Variants in DCAF8L2 observed in about 807,000 individuals in gnomAD.
DCAF8L2 encodes the protein DDB1- and CUL4-associated factor 8-like protein 2.
For synonymous variants in DCAF8L2, 200 were observed against 190.9 expected (o/e 1.05, Z -0.39); for missense variants, 430 against 490.7 (o/e 0.88, Z 1.17).
At chrX:27,508,892 A>C in the DCAF8L2 span, among the ~76,000 whole-genome samples, 1 of 110,029 alleles carries the variant, frequency 9.1e-6, no homozygotes, top group East Asian at 2.8e-4. Flanking sequence ...TTGACAATGA[A>C]GTGTAGGTGC....
At chrX:27,622,918 C>T (rs1927845781) in intron 1 of DCAF8L2, among the ~76,000 whole-genome samples, 1 of 111,278 alleles carries the variant, frequency 9.0e-6, no homozygotes, top group South Asian at 3.7e-4. Context: ...TTGTGCATTT[C>T]CCCCATGTAT....
intron 2 of DCAF8L2, among the ~76,000 whole-genome samples, chrX:27,661,645 A>G (rs1929563078): frequency 8.9e-6 from 1 of 112,167 alleles, no homozygotes; most frequent in African/African-American, 3.2e-5. Context: ...GAATATTTAG[A>G]TACAGTAAAT....
At chrX:27,592,411 G>GTTTT (rs1214583694) in intron 1 of DCAF8L2, among the ~76,000 whole-genome samples, 3 of 51,644 alleles carry the variant, frequency 5.8e-5, no homozygotes, top group Non-Finnish European at 1.1e-4. Flanking sequence ...TTTTTTGTTT[G>GTTTT]TTTTTGTTTT....
At chrX:27,588,172 C>G (rs1925949509), upstream of DCAF8L2, among the ~76,000 whole-genome samples, 1 of 108,093 alleles carries the variant, frequency 9.3e-6, no homozygotes, top group African/African-American at 3.4e-5. Context: ...TCCCTCGGTC[C>G]CCAGTATCTA....
chrX:27,504,849 C>T, the DCAF8L2 span, among the ~76,000 whole-genome samples: 1 of 111,411 alleles, frequency 9.0e-6, no homozygotes, highest in African/African-American at 3.3e-5. Flanking sequence ...ATGATTCTAT[C>T]TCTTTACACC....
chrX:27,669,455 C>CATTT (rs1056110819), intron 2 of DCAF8L2, among the ~76,000 whole-genome samples: 12 of 103,186 alleles, frequency 1.2e-4, no homozygotes, highest in Non-Finnish European at 1.9e-4. Context: ...CTTATTTATT[C>CATTT]ATTTATTTAT....
chrX:27,486,878 A>G, the DCAF8L2 span, among the ~76,000 whole-genome samples: 1 of 111,777 alleles, frequency 8.9e-6, no homozygotes. Context: ...GAATTATACT[A>G]AATTTTATAA....
At chrX:27,474,499 G>T in the DCAF8L2 span, among the ~76,000 whole-genome samples, 1 of 111,307 alleles carries the variant, frequency 9.0e-6, no homozygotes, top group African/African-American at 3.3e-5. Flanking sequence ...CTAGTAATGT[G>T]ACATGAACAA....
chrX:27,514,691 AAAAACAAAAAAAAAAAAC>A, the DCAF8L2 span, among the ~76,000 whole-genome samples: 10 of 76,077 alleles, frequency 1.3e-4, no homozygotes, highest in African/African-American at 5.9e-4. Context: ...AAAAAAAAAA[AAAAACAAAAAAAAAAAAC>A]AGAGTGAAAT....
intron 2 of DCAF8L2, among the ~76,000 whole-genome samples, chrX:27,648,523 TTATA>T (rs57191431): frequency 4.1e-4 from 42 of 102,020 alleles, no homozygotes; most frequent in African/African-American, 1.1e-3. Context: ...TATGTATTAT[TTATA>T]TATATATATA....
At chrX:27,610,847 C>T (rs1220780804) in intron 1 of DCAF8L2, among the ~76,000 whole-genome samples, 1 of 112,427 alleles carries the variant, frequency 8.9e-6, no homozygotes, top group South Asian at 3.7e-4. Flanking sequence ...AAGTACTAAC[C>T]GTGATTGCAG....
the DCAF8L2 span, among the ~76,000 whole-genome samples, chrX:27,493,717 AAAAAAAGAAAAAAAAAAAG>A: frequency 2.9e-5 from 1 of 35,062 alleles, no homozygotes. Flanking sequence ...AAAAAAAAAA[AAAAAAAGAAAAAAAAAAAG>A]AAAAGAAAAG....
intron 4 of DCAF8L2, among the ~76,000 whole-genome samples, chrX:27,745,389 C>T (rs1319246321): frequency 2.7e-5 from 3 of 111,607 alleles, no homozygotes; most frequent in African/African-American, 6.5e-5. Flanking sequence ...ATTGACTATC[C>T]TTGTTAATTG....
the DCAF8L2 span, among the ~76,000 whole-genome samples, chrX:27,578,650 C>A: frequency 2.7e-5 from 3 of 111,280 alleles, no homozygotes; most frequent in African/African-American, 9.8e-5. Flanking sequence ...TTTTTGCAAT[C>A]TATCCATCTG....
chrX:27,656,624 C>T (rs1388849149), intron 2 of DCAF8L2, among the ~76,000 whole-genome samples: 2 of 111,397 alleles, frequency 1.8e-5, no homozygotes, highest in Non-Finnish European at 3.8e-5. Context: ...CTAGGGTGGC[C>T]CTATTTCTCA....
the DCAF8L2 span, among the ~76,000 whole-genome samples, chrX:27,531,660 T>C: frequency 2.7e-5 from 3 of 111,842 alleles, no homozygotes; most frequent in Admixed American, 1.9e-4. Context: ...CACAGGAACA[T>C]TGCTTTAATC....
intron 1 of DCAF8L2, among the ~76,000 whole-genome samples, chrX:27,590,988 A>C (rs1926044939): frequency 5.1e-5 from 1 of 19,723 alleles, no homozygotes; most frequent in South Asian, 6.3e-3. Context: ...AAGCCTTTAC[A>C]TTTTATATAT....
the DCAF8L2 span, among the ~76,000 whole-genome samples, chrX:27,535,381 C>T: frequency 2.7e-5 from 3 of 111,664 alleles, no homozygotes; most frequent in African/African-American, 9.7e-5. Flanking sequence ...CTTATCACAT[C>T]GCCATCATAA....
chrX:27,660,023 A>ATTTG lies in DCAF8L2; in HGVS notation c.-219-17801_-219-17798dup, dbSNP rs201389201. ...TTTATGTTTCTTGTGTCCCTATGTT[A>ATTTG]TTTGTTTGTTTGTTTTGATACAGAG... On this transcript the variant is annotated intron_variant, in intron 2 of 4. Transcript: ENST00000451261. Among the ~76,000 whole-genome samples, 325 of 109,801 alleles carry ATTTG rather than the reference A, an allele frequency of 3.0e-3. 1 individual carries two copies. Among genetic ancestry groups the ATTTG allele is most frequent in the African/African-American group, 0.01 (305 of 30,126 alleles).
Sources: gnomAD v4.1 joint callset for allele counts (sites outside exome capture counted in the v4.1 genomes callset) on GRCh38, gnomAD v4.1.1 for gene constraint, MANE v1.5 for transcripts, NCBI Gene and HGNC (gene_info 2026-07-23, HGNC 2026-07-21) for gene names.